The following SGK1 variants were observed in gnomAD, a reference collection of about 807,000 sequenced individuals.
The protein encoded by SGK1 is serum/glucocorticoid regulated kinase 1, also known as serine/threonine-protein kinase Sgk1.
Under a neutral mutation model 64.2 loss-of-function variants are expected in SGK1, and 26 were observed. The ratio of observed to expected loss-of-function variants is 0.40; its 90% CI spans 0.30 to 0.56. The LOEUF is 0.56. Among genes scored for constraint, SGK1 ranks in the 20% least tolerant of loss-of-function variants. The pLI, the probability that SGK1 is intolerant of heterozygous loss-of-function variation, is 0.38. For missense variants in SGK1, 519 were observed against 645.6 expected, an observed-to-expected ratio of 0.80 and a Z score of 2.12; for synonymous variants, 265 against 239.7, an observed-to-expected ratio of 1.11 and a Z score of -0.98.
intron 1 of SGK1, chr6:134,297,268 T>C: frequency 3.2e-6 from 4 of 1,247,588 alleles, no homozygotes; most frequent in African/African-American, 1.5e-5. Context: ...GCGATCTCAA[T>C]GTCCAGGGCC....
rs1233968230 is a variant in SGK1 at position 134,262,134 on chromosome 6, G to A, written c.84C>T (p.Ile28=). ...QFFKKRVRRW[I]KSPMVSVDKH... The stretch of plus-strand genomic sequence containing the variant: ...TGTCCACACTGACCATTGGGCTCTT[G>A]ATCCACCTTCGTACCTGCAATGTGC... The change falls in exon 2 of 14, where the codon ATC becomes ATT. Residue 28 remains isoleucine, a synonymous_variant. Transcript: ENST00000367858. 4 of 1,586,480 alleles carry A rather than the reference G, an allele frequency of 2.5e-6. No individual in the cohort carries two copies. The highest frequency in any genetic ancestry group is 3.4e-6 in the Non-Finnish European group (4 of 1,161,558).
chr6:134,227,640 G>T (rs1333282931), intron 2 of SGK1, among the ~76,000 whole-genome samples: 2 of 152,162 alleles, frequency 1.3e-5, no homozygotes, highest in Admixed American at 1.3e-4. Flanking sequence ...ACATTTACTT[G>T]CTCACTTTAT....
intron 13 of SGK1, 37 bp downstream of exon 13, chr6:134,170,789 G>A: frequency 7.6e-7 from 1 of 1,310,488 alleles, no homozygotes; most frequent in Non-Finnish European, 1.1e-6. Flanking sequence ...AATGCCCTTT[G>A]GGCTTCTCTA....
chr6:134,201,860 A>G (rs1259631666), intron 3 of SGK1, among the ~76,000 whole-genome samples: 1 of 152,162 alleles, frequency 6.6e-6, no homozygotes, highest in Non-Finnish European at 1.5e-5. Flanking sequence ...GCAGTTAGAA[A>G]GAGTTTCCAA....
intron 2 of SGK1, among the ~76,000 whole-genome samples, chr6:134,225,279 A>G (rs1468269496): frequency 1.4e-5 from 2 of 147,586 alleles, no homozygotes; most frequent in African/African-American, 5.0e-5. Flanking sequence ...GGAACCAGGG[A>G]GGCAAAGGCT....
intron 2 of SGK1, among the ~76,000 whole-genome samples, chr6:134,254,677 A>G (rs1172261003): frequency 6.6e-6 from 1 of 152,178 alleles, no homozygotes; most frequent in Non-Finnish European, 1.5e-5. Flanking sequence ...TTTGATATAC[A>G]TACTTCCACG....
chr6:134,302,794 G>A (rs898428543), intron 1 of SGK1, among the ~76,000 whole-genome samples: 2 of 151,692 alleles, frequency 1.3e-5, no homozygotes, highest in Admixed American at 6.6e-5. Flanking sequence ...TCACTCTGTC[G>A]CCCAGGCTGG....
chr6:134,247,652 G>A (rs549831377), intron 2 of SGK1, among the ~76,000 whole-genome samples: 4 of 152,264 alleles, frequency 2.6e-5, no homozygotes, highest in African/African-American at 7.2e-5. Flanking sequence ...TAACTCGACC[G>A]ATTGGGAAAG....
Position 134,288,040 on chromosome 6 carries a change from G to A in SGK1, c.70-25892C>T, listed in dbSNP as rs553710183. On this transcript the variant is annotated intron_variant, in intron 1 of 13. Transcript: ENST00000367858. ...TGATAAGGAACATAAACTAAGACAA[G>A]AGATCTCTTGGGATGTCTTCAGATC... 2.0e-5 allele frequency among the ~76,000 whole-genome samples: 3 copies of A among 152,258 alleles called. No individual in the cohort carries two copies. The South Asian group carries it at 6.2e-4, about 32-fold the overall frequency.
chr6:134,254,982 C>G (rs1170618450), intron 2 of SGK1, among the ~76,000 whole-genome samples: 1 of 152,084 alleles, frequency 6.6e-6, no homozygotes, highest in African/African-American at 2.4e-5. Flanking sequence ...AATTCTCCAG[C>G]CTCAACCTCC....
Position 134,174,098 on chromosome 6 carries a change from C to A in SGK1, c.438-18G>T, listed in dbSNP as rs770379863. On this transcript the variant is annotated intron_variant, in intron 4 of 13. Coordinates refer to ENST00000367858, the MANE Select transcript of SGK1 (RefSeq NM_001143676.3). ...CTTCAGGGCTGCAGGGAATAAAGGG[C>A]ACGATTTAGAATCCAGCTCGCCACT... 6.2e-7 allele frequency: 1 copy of A among 1,600,836 alleles called. No individual in the cohort carries two copies. Among genetic ancestry groups the A allele is most frequent in the African/African-American group, 1.3e-5 (1 of 74,412 alleles).
intron 2 of SGK1, among the ~76,000 whole-genome samples, chr6:134,241,210 C>T (rs928584949): frequency 8.6e-5 from 13 of 151,778 alleles, no homozygotes; most frequent in African/African-American, 2.9e-4. Context: ...CTACCACATC[C>T]GGCTATTTTT....
intron 2 of SGK1, among the ~76,000 whole-genome samples, chr6:134,248,444 C>CA (rs1776557594): frequency 7.0e-6 from 1 of 143,810 alleles, no homozygotes; most frequent in Non-Finnish European, 1.5e-5. Flanking sequence ...CTCTCCTCCG[C>CA]CTTTTTTTTT....
rs116035612 is a variant in SGK1, at chr6:134,171,541, C to T, written c.1167+96G>A. 305 of 807,866 alleles carry T rather than the reference C, an allele frequency of 3.8e-4. No individual in the cohort carries two copies. The African/African-American group carries it at 4.3e-3, about 11-fold the overall frequency. 50.0% of individuals were successfully genotyped at this position (807,866 alleles called of 1,614,324 possible). On this transcript the variant is annotated intron_variant, in intron 11 of 13. Transcript: ENST00000367858. ...CTCTTAGCTGCTTTTGATAAGCGTA[C>T]TGGTAAGGGCAAGACACCATGGCCA...
At chr6:134,307,930 G>A (rs116262807) in intron 1 of SGK1, among the ~76,000 whole-genome samples, 101 of 152,228 alleles carry the variant, frequency 6.6e-4, no homozygotes, top group African/African-American at 2.3e-3. Context: ...ATTATTGAGC[G>A]TCTACTACAC....
chr6:134,260,547 C>T (rs552079081), intron 2 of SGK1: 1 of 152,078 alleles, frequency 6.6e-6, no homozygotes, highest in Admixed American at 6.6e-5. Context: ...TGTTGGGTGC[C>T]TGTAATCCCA....
At chr6:134,174,325 G>C (rs1000132917) in intron 4 of SGK1, 186 bp downstream of exon 4, 1 of 615,870 alleles carries the variant, frequency 1.6e-6, no homozygotes, top group Non-Finnish European at 2.8e-6. Context: ...TACATCTCCA[G>C]TTCAAGCCAA....
intron 3 of SGK1, among the ~76,000 whole-genome samples, chr6:134,182,578 T>C (rs1349801856): frequency 6.6e-6 from 1 of 151,868 alleles, no homozygotes; most frequent in East Asian, 1.9e-4. Flanking sequence ...TCTGTGTATA[T>C]TTGCCAGCCC....
Position 134,170,850 on chromosome 6 carries a change from A to G in SGK1, c.1389T>C (p.Ile463=). ...INWDDLINKK[I]TPPFNPNVSG... ...CCACATTTGGGTTAAAAGGGGGAGTAATCTTCTTATTAATGAGATCATCCC... is the reference window on the plus strand; with the variant it reads ...CCACATTTGGGTTAAAAGGGGGAGTGATCTTCTTATTAATGAGATCATCCC... Residue 463 remains isoleucine, a synonymous_variant, in exon 13 of 14, where the codon ATT becomes ATC. Coordinates refer to ENST00000367858, the MANE Select transcript of SGK1 (RefSeq NM_001143676.3). The G allele has an allele frequency of 6.2e-7, 1 of 1,608,786 alleles. No homozygotes were observed. Among genetic ancestry groups the G allele is most frequent in the Non-Finnish European group, 8.5e-7 (1 of 1,175,164 alleles).
Sources: allele counts gnomAD v4.1 joint callset (sites outside exome capture counted in the v4.1 genomes callset), GRCh38; gene constraint gnomAD v4.1.1; transcripts MANE v1.5; gene names NCBI Gene and HGNC (gene_info 2026-07-23, HGNC 2026-07-21).